DNMT3B: variants seen among roughly 807,000 people sequenced by gnomAD.
DNMT3B encodes the protein DNA methyltransferase 3 beta, also known as DNA (cytosine-5)-methyltransferase 3B.
Under a neutral mutation model 120.2 loss-of-function variants are expected in DNMT3B, and 37 were observed. The ratio of observed to expected loss-of-function variants is 0.31; its 90% CI spans 0.24 to 0.40. DNMT3B has a LOEUF of 0.40. DNMT3B is among the 10% of genes least tolerant of loss of function. The pLI is 1.00. For missense variants in DNMT3B, 878 were observed against 1,137.3 expected (o/e 0.77, Z 3.28); for synonymous variants, 412 against 442.8 (o/e 0.93, Z 0.87).
chr20:32,786,417 A>G (rs1054128056), intron 4 of DNMT3B, 85 bp from the exon 5 acceptor site: 8 of 1,601,528 alleles, frequency 5.0e-6, no homozygotes, highest in Non-Finnish European at 6.8e-6. Context: ...CTCCTTGGCC[A>G]CCTGAAGGCC....
At chr20:32,793,690 T>A in intron 10 of DNMT3B, 95 bp downstream of exon 10, 1 of 1,436,576 alleles carries the variant, frequency 7.0e-7, no homozygotes, top group Non-Finnish European at 9.7e-7. Flanking sequence ...AGAATCAAAT[T>A]TCTTGAAAAG....
Position 32,808,514 on chromosome 20 carries a change from TTAGAG to T in DNMT3B, c.*614_*618del, listed in dbSNP as rs1010286765. 2 of 231,730 alleles carry T rather than the reference TTAGAG, an allele frequency of 8.6e-6. No individual in the cohort carries two copies. The highest frequency in any genetic ancestry group is 1.7e-5 in the Non-Finnish European group (2 of 117,328). The allele number at this position is 231,730 out of a possible 1,614,324, so 14.4% of individuals were successfully genotyped here. A position where few individuals can be genotyped will look rare whatever the true frequency, so the allele number is the denominator to read the frequency against. ...AGGGCTGGAGTCTGCACGGGACCTA[TTAGAG>T]TATTTTCCACAATGATGATGATTTC... On this transcript the variant is annotated 3_prime_UTR_variant, in exon 23 of 23. Transcript: ENST00000328111.
rs999828149 is a variant in DNMT3B at position 32,807,816 on chromosome 20, C to T, written c.2475C>T (p.Ala825=). 2 of 1,614,096 alleles carry T rather than the reference C, an allele frequency of 1.2e-6. No homozygotes were observed. Among genetic ancestry groups the T allele is most frequent in the Non-Finnish European group, 1.7e-6 (2 of 1,180,060 alleles). The change falls in exon 23 of 23, where the codon GCC becomes GCT. Residue 825 remains alanine, a synonymous_variant. Coordinates refer to ENST00000328111, the MANE Select transcript of DNMT3B (RefSeq NM_006892.4). ...ACGTGTCCAACATGGGCCGTGGTGCCCGCCAGAAGCTGCTGGGAAGGTCCT... is the reference window on the plus strand; with the variant it reads ...ACGTGTCCAACATGGGCCGTGGTGCTCGCCAGAAGCTGCTGGGAAGGTCCT... ...YTDVSNMGRG[A]RQKLLGRSWS... is the part of the protein sequence containing the mutation.
intron 14 of DNMT3B, among the ~76,000 whole-genome samples, chr20:32,798,161 G>C (rs1337803806): frequency 1.3e-5 from 2 of 152,142 alleles, no homozygotes; most frequent in African/African-American, 4.8e-5. Context: ...TAGGGTGTCA[G>C]GGAAGGCTAA....
intron 1 of DNMT3B, among the ~76,000 whole-genome samples, chr20:32,763,407 C>G (rs1463862650): frequency 6.6e-6 from 1 of 152,190 alleles, no homozygotes; most frequent in Non-Finnish European, 1.5e-5. Context: ...GCACACCTGG[C>G]CCGGGAGGAG....
At chr20:32,785,724 C>G (rs1979189289) in intron 4 of DNMT3B, among the ~76,000 whole-genome samples, 1 of 152,160 alleles carries the variant, frequency 6.6e-6, no homozygotes, top group Non-Finnish European at 1.5e-5. Context: ...CTGCAACAAC[C>G]AAATTCATGC....
chr20:32,787,617 A>G (rs753064471), intron 6 of DNMT3B, among the ~76,000 whole-genome samples, 166 bp downstream of exon 6: 5 of 152,160 alleles, frequency 3.3e-5, no homozygotes, highest in Non-Finnish European at 7.3e-5. Flanking sequence ...TGCACCACGG[A>G]CCTTTCTTTA....
chr20:32,805,015 T>C (rs1981810163), intron 20 of DNMT3B, among the ~76,000 whole-genome samples: 1 of 152,160 alleles, frequency 6.6e-6, no homozygotes, highest in Non-Finnish European at 1.5e-5. Flanking sequence ...TGTGACTCGC[T>C]CAAGCTCAGT....
chr20:32,777,902 C>CTGA (rs952569020), intron 1 of DNMT3B, among the ~76,000 whole-genome samples: 1 of 152,154 alleles, frequency 6.6e-6, no homozygotes, highest in Non-Finnish European at 1.5e-5. Flanking sequence ...TTAACAGGTG[C>CTGA]TGATACACAC....
intron 16 of DNMT3B, among the ~76,000 whole-genome samples, chr20:32,799,754 G>C (rs1981090131): frequency 6.6e-6 from 1 of 152,214 alleles, no homozygotes; most frequent in Admixed American, 6.5e-5. Flanking sequence ...CTGACCTCAA[G>C]TGATCTGCCC....
At position 32,772,826 on chromosome 20, in the gene DNMT3B, G is replaced by A. The variant is rs75420171; in HGVS notation, c.-6-7492G>A. ...ACATCTGAGTATATTTTGGTGTCAT[G>A]CACAGTCTGCAGATAGCCACTTGTC... is the stretch of plus-strand genomic sequence containing the variant. On this transcript the variant is annotated intron_variant, in intron 1 of 22. Transcript: ENST00000328111. Among the ~76,000 whole-genome samples, 86 of 150,294 alleles carry A rather than the reference G, an allele frequency of 5.7e-4. 1 individual carries two copies. Among genetic ancestry groups the A allele is most frequent in the African/African-American group, 2.1e-3 (84 of 40,852 alleles).
intron 1 of DNMT3B, among the ~76,000 whole-genome samples, chr20:32,766,001 C>A (rs184630034): frequency 5.7e-4 from 86 of 152,188 alleles, no homozygotes; most frequent in African/African-American, 2.0e-3. Flanking sequence ...TCCTGATCCA[C>A]CCGCCTTGGC....
At chr20:32,789,337 T>C (rs1979693843) in intron 7 of DNMT3B, among the ~76,000 whole-genome samples, 1 of 152,152 alleles carries the variant, frequency 6.6e-6, no homozygotes. Context: ...AAGTGTTCAG[T>C]GGAGAAGCCT....
At chr20:32,804,065 C>T (rs1250134414) in intron 20 of DNMT3B, among the ~76,000 whole-genome samples, 1 of 152,094 alleles carries the variant, frequency 6.6e-6, no homozygotes, top group East Asian at 1.9e-4. Context: ...GGGTTTGCAG[C>T]ACAGCAATCC....
Position 32,797,088 on chromosome 20 carries a change from T to C in DNMT3B, c.1378-99T>C, listed in dbSNP as rs566466566. 4.9e-4 allele frequency: 784 copies of C among 1,605,190 alleles called. 7 individuals are homozygous for C. In the South Asian group the frequency reaches 7.4e-3, roughly 15 times the overall value. On this transcript the variant is annotated intron_variant, in intron 13 of 22. Coordinates refer to ENST00000328111, the MANE Select transcript of DNMT3B (RefSeq NM_006892.4). ...TTAAAGGACACCAAGCCACCAGCAGTGTGTTCTGCAGCTGTATCCTAGGGC... is the reference window on the plus strand; with the variant it reads ...TTAAAGGACACCAAGCCACCAGCAGCGTGTTCTGCAGCTGTATCCTAGGGC...
chr20:32,797,307 C>G lies in DNMT3B; in HGVS notation c.1490+8C>G, dbSNP rs746731138. 6.2e-6 allele frequency: 10 copies of G among 1,613,652 alleles called. No individual in the cohort carries two copies. The Admixed American group carries it at 1.7e-4, about 27-fold the overall frequency. On this transcript the variant is annotated splice_region_variant and intron_variant, in intron 14 of 22. Transcript: ENST00000328111. ...CAACACGAGCTGCTGCCGGTGAGCA[C>G]TGGGCCCTGTGGGGTGGATGTGGGT...
At chr20:32,804,040 G>A (rs1246356301) in intron 20 of DNMT3B, among the ~76,000 whole-genome samples, 1 of 152,194 alleles carries the variant, frequency 6.6e-6, no homozygotes, top group Non-Finnish European at 1.5e-5. Context: ...AACACAGTGT[G>A]AGTGGTGGCC....
chr20:32,768,525 G>C (rs73258127), intron 1 of DNMT3B, among the ~76,000 whole-genome samples: 5,869 of 151,986 alleles, frequency 0.039, 356 homozygotes, highest in African/African-American at 0.12. Flanking sequence ...TAGGCTCTCG[G>C]TATGTTGCCC....
chr20:32,783,711 A>G (rs1978901221), intron 3 of DNMT3B, among the ~76,000 whole-genome samples: 3 of 151,854 alleles, frequency 2.0e-5, no homozygotes, highest in Admixed American at 1.3e-4. Flanking sequence ...TCTCTTGCCC[A>G]CACGTTTCTT....
Sources: gnomAD v4.1 joint callset for allele counts (sites outside exome capture counted in the v4.1 genomes callset) on GRCh38, gnomAD v4.1.1 for gene constraint, MANE v1.5 for transcripts, NCBI Gene and HGNC (gene_info 2026-07-23, HGNC 2026-07-21) for gene names.